EPRS1: variants seen among roughly 807,000 people sequenced by gnomAD.
EPRS1 encodes the protein glutamyl-prolyl-tRNA synthetase 1.
In EPRS1, 107 loss-of-function variants were observed where a neutral mutation model predicts 188.3. That is an observed-to-expected ratio of 0.57 (90% CI 0.49 to 0.67). The LOEUF (loss-of-function observed/expected upper bound fraction) is 0.67. Among genes scored for constraint, EPRS1 ranks in the 30% least tolerant of loss-of-function variants. The pLI is 0.00. For missense variants in EPRS1, 1,577 were observed against 1,802.2 expected (o/e 0.88, Z 2.26); for synonymous variants, 596 against 593.1 (o/e 1.00, Z -0.07).
intron 6 of EPRS1, among the ~76,000 whole-genome samples, chr1:220,026,403 A>G (rs1467072008): frequency 6.6e-6 from 1 of 152,190 alleles, no homozygotes; most frequent in African/African-American, 2.4e-5. Flanking sequence ...TTACACCACT[A>G]TGTTGAAATA....
chr1:220,018,932 G>A lies in EPRS1; in HGVS notation c.1434+63C>T, dbSNP rs1002782072. Reference sequence around the variant, plus strand: ...AACAACAGAGATAATAAAGAGTAAAGGGACAGTAATAGAAGTACCTGAAAT... The same window carrying A: ...AACAACAGAGATAATAAAGAGTAAAAGGACAGTAATAGAAGTACCTGAAAT... On this transcript the variant is annotated intron_variant, in intron 11 of 31. Coordinates refer to ENST00000366923, the MANE Select transcript of EPRS1 (RefSeq NM_004446.3). 4 of 1,016,156 alleles carry A rather than the reference G, an allele frequency of 3.9e-6. No homozygotes were observed. The Admixed American group carries it at 5.5e-5, about 14-fold the overall frequency. The allele number at this position is 1,016,156 out of a possible 1,614,324, so 62.9% of individuals were successfully genotyped here.
Position 219,968,816 on chromosome 1 carries a change from C to T in EPRS1, c.4529G>A (p.Arg1510His), listed in dbSNP as rs1196727449. The T allele has an allele frequency of 5.6e-6, 9 of 1,614,052 alleles. No homozygotes were observed. Among genetic ancestry groups the T allele is most frequent in the Admixed American group, 1.7e-5 (1 of 60,026 alleles). ...NPAKYYTLFGRSY is the reference protein window; with the variant it reads ...NPAKYYTLFGHSY ...GCTTTCGTTCATCCCTCAGTAGCTG[C>T]GACCAAATAAGGTGTAGTACTTGGC... is the stretch of plus-strand genomic sequence containing the variant. Residue 1510 changes from arginine to histidine, a missense_variant, in exon 32 of 32, where the codon CGC becomes CAC. Coordinates refer to ENST00000366923, the MANE Select transcript of EPRS1 (RefSeq NM_004446.3).
intron 1 of EPRS1, among the ~76,000 whole-genome samples, chr1:220,041,523 T>C (rs909793063): frequency 6.6e-6 from 1 of 152,064 alleles, no homozygotes; most frequent in Non-Finnish European, 1.5e-5. Flanking sequence ...AATTGATTCA[T>C]TAATCCTCTG....
intron 20 of EPRS1, among the ~76,000 whole-genome samples, chr1:219,984,993 G>A (rs543553373): frequency 1.7e-4 from 26 of 150,364 alleles, no homozygotes; most frequent in African/African-American, 5.9e-4. Context: ...GCAGTGAGCC[G>A]AGATTGCGCC....
rs58540293 is a variant in EPRS1 at position 220,031,719 on chromosome 1, G to A, written c.528+668C>T. ...AAGGAGCTTTTGTACTGTACACTAT[G>A]TCACATTTTCCTACAGAACCAATGA... On this transcript the variant is annotated intron_variant, in intron 5 of 31. Transcript: ENST00000366923. 4.3e-3 allele frequency among the ~76,000 whole-genome samples: 660 copies of A among 152,292 alleles called. 6 individuals are homozygous for A. The highest frequency in any genetic ancestry group is 0.016 in the African/African-American group (647 of 41,552).
At chr1:220,030,269 T>G in intron 6 of EPRS1, 117 bp downstream of exon 6, 1 of 630,916 alleles carries the variant, frequency 1.6e-6, no homozygotes. Context: ...ACTCTCACAA[T>G]TAAAATCTTA....
Position 220,030,524 on chromosome 1 carries a change from A to T in EPRS1, c.529-44T>A, listed in dbSNP as rs1230201197. On this transcript the variant is annotated intron_variant, in intron 5 of 31. Transcript: ENST00000366923. ...ATCACAACAAAAAGTCTTATGGTTA[A>T]ATGTCTAAGAACACACTCATTCAAC... is the stretch of plus-strand genomic sequence containing the variant. The T allele has an allele frequency of 2.8e-6, 4 of 1,407,576 alleles. No individual in the cohort carries two copies. In the Admixed American group the frequency reaches 5.1e-5, roughly 18 times the overall value. 87.2% of individuals were successfully genotyped at this position (1,407,576 alleles called of 1,614,324 possible).
At chr1:219,971,046 G>A (rs1660655755) in intron 30 of EPRS1, among the ~76,000 whole-genome samples, 1 of 151,962 alleles carries the variant, frequency 6.6e-6, no homozygotes, top group African/African-American at 2.4e-5. Flanking sequence ...ATAAATTCAT[G>A]CTCATTCTCA....
Position 219,997,109 on chromosome 1 carries a change from A to C in EPRS1, c.2415T>G (p.Pro805=), listed in dbSNP as rs1661251622. 1 of 1,614,002 alleles carries C rather than the reference A, an allele frequency of 6.2e-7. No individual in the cohort carries two copies. The highest frequency in any genetic ancestry group is 8.5e-7 in the Non-Finnish European group (1 of 1,179,996). The change falls in exon 18 of 32, where the codon CCT becomes CCG. Residue 805 remains proline (P), a synonymous_variant. Coordinates refer to ENST00000366923, the MANE Select transcript of EPRS1 (RefSeq NM_004446.3). ...AAGAAATATTCTGTCCTATTTCAGC[A>C]GGAGGGTTTCCAGGTTTATATTCCT... ...TGQEYKPGNP[P]AEIGQNISSN...
In EPRS1 at chr1:220,022,532, A is replaced by C; in HGVS notation, c.944-14T>G. On this transcript the variant is annotated splice_polypyrimidine_tract_variant and intron_variant, in intron 8 of 31. Transcript: ENST00000366923. The stretch of plus-strand genomic sequence containing the variant: ...TCTTCTCAATAGCTATAAAATGATA[A>C]TTACATTACGGTTCACTAATCTGGT... The C allele has an allele frequency of 6.3e-7, 1 of 1,588,676 alleles. No homozygotes were observed. The highest frequency in any genetic ancestry group is 8.6e-7 in the Non-Finnish European group (1 of 1,161,284).
intron 6 of EPRS1, among the ~76,000 whole-genome samples, chr1:220,027,709 G>A (rs1448239852): frequency 6.6e-6 from 1 of 151,830 alleles, no homozygotes; most frequent in Non-Finnish European, 1.5e-5. Flanking sequence ...TACGCCGGGT[G>A]CAGTGGCTCA....
Position 220,035,028 on chromosome 1 carries a change from C to T in EPRS1, c.132-15G>A, listed in dbSNP as rs377264748. On this transcript the variant is annotated splice_polypyrimidine_tract_variant and intron_variant, in intron 2 of 31. Transcript: ENST00000366923. ...ATATCACATTTCTAGAATATAAGCA[C>T]GAGATAAAATATTACTGCTGCTCTA... 9.0e-5 allele frequency: 121 copies of T among 1,337,438 alleles called. 1 individual carries two copies. The African/African-American group carries it at 1.5e-3, about 16-fold the overall frequency. The allele number at this position is 1,337,438 out of a possible 1,614,324, so 82.8% of individuals were successfully genotyped here.
At chr1:220,014,018 G>C (rs1420131774) in intron 12 of EPRS1, among the ~76,000 whole-genome samples, 2 of 152,130 alleles carry the variant, frequency 1.3e-5, no homozygotes, top group Admixed American at 6.6e-5. Context: ...AACAAATCCA[G>C]AAGGATTAAT....
chr1:220,018,909 C>A (rs1046884664), intron 11 of EPRS1, 86 bp downstream of exon 11: 71 of 784,988 alleles, frequency 9.0e-5, no homozygotes, highest in Middle Eastern at 2.5e-4. Flanking sequence ...ATAGAAAGAA[C>A]AACAGAGATA....
intron 12 of EPRS1, among the ~76,000 whole-genome samples, chr1:220,015,866 G>A (rs1194152316): frequency 6.6e-6 from 1 of 151,968 alleles, no homozygotes; most frequent in Non-Finnish European, 1.5e-5. Flanking sequence ...AAAGCAAAGG[G>A]AATCCCTAGG....
intron 1 of EPRS1, among the ~76,000 whole-genome samples, chr1:220,041,784 A>G (rs1271571978): frequency 4.6e-5 from 7 of 151,548 alleles, no homozygotes; most frequent in Non-Finnish European, 7.4e-5. Context: ...AGATTGTGGC[A>G]AGCCAAGATT....
chr1:220,021,894 A>T (rs1661884210), intron 9 of EPRS1, among the ~76,000 whole-genome samples: 1 of 152,210 alleles, frequency 6.6e-6, no homozygotes, highest in South Asian at 2.1e-4. Flanking sequence ...CATTTAAAAC[A>T]AAGATTCGTT....
chr1:220,009,122 T>C (rs1661552640), intron 13 of EPRS1, among the ~76,000 whole-genome samples: 1 of 152,210 alleles, frequency 6.6e-6, no homozygotes, highest in South Asian at 2.1e-4. Flanking sequence ...GGTCAGATAC[T>C]ACTACTTACC....
intron 14 of EPRS1, among the ~76,000 whole-genome samples, chr1:220,006,926 T>A (rs537561644): frequency 1.3e-5 from 2 of 152,318 alleles, no homozygotes; most frequent in South Asian, 4.1e-4. Context: ...TCCCTTTTTA[T>A]CATGTAATTT....
Sources: allele counts gnomAD v4.1 joint callset (sites outside exome capture counted in the v4.1 genomes callset), GRCh38; gene constraint gnomAD v4.1.1; transcripts MANE v1.5; gene names NCBI Gene and HGNC (gene_info 2026-07-23, HGNC 2026-07-21).